The following SUMF1 variants were observed in gnomAD, a reference collection of about 807,000 sequenced individuals.
SUMF1 encodes formylglycine-generating enzyme.
Under a neutral mutation model 47.6 loss-of-function variants are expected in SUMF1, and 48 were observed. The ratio of observed to expected loss-of-function variants is 1.01; its 90% confidence interval spans 0.80 to 1.28. The LOEUF is 1.28. SUMF1 is among the 50% of genes most tolerant of loss of function. SUMF1 has a pLI of 0.00. For synonymous variants in SUMF1, 230 were observed against 192.1 expected (o/e 1.20, Z -1.63); for missense variants, 571 against 485.4 (o/e 1.18, Z -1.66).
intron 8 of SUMF1, among the ~76,000 whole-genome samples, chr3:4,217,515 TA>T (rs1695954890): frequency 1.6e-5 from 1 of 63,724 alleles, no homozygotes; most frequent in African/African-American, 9.0e-5. Flanking sequence ...AAGTATTTTT[TA>T]TATATATATA....
At chr3:4,432,920 C>G (rs1285912535) in intron 3 of SUMF1, among the ~76,000 whole-genome samples, 2 of 152,154 alleles carry the variant, frequency 1.3e-5, no homozygotes, top group Admixed American at 6.5e-5. Context: ...ATTTCCAAAC[C>G]CCACCCCACC....
At chr3:4,412,781 T>A (rs1449821698) in intron 6 of SUMF1, among the ~76,000 whole-genome samples, 1 of 152,032 alleles carries the variant, frequency 6.6e-6, no homozygotes, top group Non-Finnish European at 1.5e-5. Flanking sequence ...TCCCAGCTAC[T>A]CAGGAGGCTG....
At chr3:4,396,766 C>T (rs1454934330) in intron 7 of SUMF1, among the ~76,000 whole-genome samples, 1 of 152,118 alleles carries the variant, frequency 6.6e-6, no homozygotes, top group Non-Finnish European at 1.5e-5. Flanking sequence ...GCCTCTCTCC[C>T]CACTGAGAGA....
intron 3 of SUMF1, among the ~76,000 whole-genome samples, chr3:4,443,691 G>A (rs924808961): frequency 2.0e-5 from 3 of 152,086 alleles, no homozygotes; most frequent in Non-Finnish European, 4.4e-5. Flanking sequence ...CTTCAGCCCA[G>A]GAAGTCAAGG....
intron 8 of SUMF1, chr3:4,316,571 G>A (rs1211661266): frequency 6.4e-7 from 1 of 1,552,948 alleles, no homozygotes; most frequent in African/African-American, 1.4e-5. Flanking sequence ...ATAAGTGGGT[G>A]CCTCATGAGC....
chr3:4,420,002 G>C, intron 4 of SUMF1, 62 bp downstream of exon 4: 1 of 1,404,156 alleles, frequency 7.1e-7, no homozygotes. Flanking sequence ...TCTTTTGCAA[G>C]AGCAAAGGGT....
intron 8 of SUMF1, among the ~76,000 whole-genome samples, chr3:4,199,193 TGTCTC>T (rs1449106363): frequency 6.6e-6 from 1 of 152,158 alleles, no homozygotes; most frequent in Non-Finnish European, 1.5e-5. Context: ...CCTGATCTTC[TGTCTC>T]TATAGTTCTG....
intron 8 of SUMF1, among the ~76,000 whole-genome samples, chr3:4,181,424 T>C (rs1574957542): frequency 1.3e-5 from 2 of 152,218 alleles, no homozygotes; most frequent in South Asian, 2.1e-4. Flanking sequence ...GAAGAAGCAA[T>C]AGAAAAATAT....
intron 2 of SUMF1, among the ~76,000 whole-genome samples, chr3:4,451,690 T>C (rs1206693170): frequency 1.3e-5 from 2 of 152,140 alleles, no homozygotes; most frequent in Non-Finnish European, 2.9e-5. Context: ...AAAAACGGTT[T>C]TTTTGTTTTT....
chr3:4,174,524 C>T (rs1197733165), intron 8 of SUMF1, among the ~76,000 whole-genome samples: 3 of 137,156 alleles, frequency 2.2e-5, no homozygotes, highest in Non-Finnish European at 4.8e-5. Context: ...GGCAACATGG[C>T]AAAACCCCCA....
chr3:4,136,693 C>T (rs9756369), intron 8 of SUMF1, among the ~76,000 whole-genome samples: 2 of 145,172 alleles, frequency 1.4e-5, no homozygotes, highest in African/African-American at 5.2e-5. Flanking sequence ...CAACCTACAA[C>T]ATGGGAGAAA....
chr3:4,359,214 G>C (rs1201961665), downstream of SUMF1, among the ~76,000 whole-genome samples: 1 of 152,100 alleles, frequency 6.6e-6, no homozygotes, highest in Non-Finnish European at 1.5e-5. Context: ...CATAGTTTAG[G>C]GTACTCTTTA....
chr3:4,142,055 A>G (rs1399519517), intron 8 of SUMF1, among the ~76,000 whole-genome samples: 1 of 152,184 alleles, frequency 6.6e-6, no homozygotes, highest in Non-Finnish European at 1.5e-5. Flanking sequence ...ATATGTATTA[A>G]AAGACAAAAG....
intron 8 of SUMF1, among the ~76,000 whole-genome samples, chr3:4,368,672 C>T (rs1700066781): frequency 1.3e-5 from 2 of 152,166 alleles, no homozygotes; most frequent in South Asian, 2.1e-4. Flanking sequence ...TCTTCTTTCC[C>T]ACTGCCCAAT....
intron 8 of SUMF1, chr3:4,314,371 G>T (rs1698551613): frequency 7.3e-6 from 1 of 137,000 alleles, no homozygotes. Flanking sequence ...AATTTTAACA[G>T]TAATAAAGCT....
chr3:4,373,290 AAAAT>A (rs1400125769), intron 8 of SUMF1, among the ~76,000 whole-genome samples: 2 of 152,190 alleles, frequency 1.3e-5, no homozygotes, highest in Admixed American at 1.3e-4. Flanking sequence ...AACCACATTA[AAAAT>A]AAATGGTCTA....
rs143349100 is a variant in SUMF1 at position 4,350,848 on chromosome 3, C to T, written c.1014+25482G>A. ...CCTATGGAATAAAATTTTGCACCCCCTCCCTTTTTGCTCATACCTCCTAGC... is the reference window on the plus strand; with the variant it reads ...CCTATGGAATAAAATTTTGCACCCCTTCCCTTTTTGCTCATACCTCCTAGC... On this transcript the variant is annotated intron_variant and NMD_transcript_variant, in intron 8 of 12. Coordinates refer to the SUMF1 transcript ENST00000448413. 6.6e-5 allele frequency among the ~76,000 whole-genome samples: 10 copies of T among 152,124 alleles called. No homozygotes were observed. In the East Asian group the frequency reaches 1.5e-3, roughly 24 times the overall value.
At chr3:4,132,525 C>G (rs1559497435) in intron 8 of SUMF1, among the ~76,000 whole-genome samples, 1 of 152,092 alleles carries the variant, frequency 6.6e-6, no homozygotes, top group Non-Finnish European at 1.5e-5. Flanking sequence ...GTCCAGGTAT[C>G]AAGGGGTGAA....
chr3:4,358,623 T>G (rs1442329339), downstream of SUMF1, among the ~76,000 whole-genome samples: 2 of 152,182 alleles, frequency 1.3e-5, no homozygotes, highest in Admixed American at 6.5e-5. Context: ...AAAAAAAAAT[T>G]TAATACCATG....
Sources: gnomAD v4.1 joint callset for allele counts (sites outside exome capture counted in the v4.1 genomes callset) on GRCh38, gnomAD v4.1.1 for gene constraint, MANE v1.5 for transcripts, NCBI Gene and HGNC (gene_info 2026-07-23, HGNC 2026-07-21) for gene names.